Variants in CDH18 observed in about 807,000 individuals in gnomAD.
The protein encoded by CDH18 is cadherin 18.
CDH18 carries 31 observed loss-of-function variants against 67.9 expected under a neutral mutation model. That is an observed-to-expected ratio of 0.46 (90% CI 0.34 to 0.62). The LOEUF (loss-of-function observed/expected upper bound fraction) is 0.62, where lower values mean the gene tolerates loss of function less well. CDH18 is among the 20% of genes least tolerant of loss of function. CDH18 has a pLI of 0.01. For synonymous variants in CDH18, 362 were observed against 347.2 expected, an observed-to-expected ratio of 1.04 and a Z score of -0.48; for missense variants, 890 against 975.5, an observed-to-expected ratio of 0.91 and a Z score of 1.17.
chr5:20,114,351 A>G (rs1388699245), intron 2 of CDH18, among the ~76,000 whole-genome samples: 1 of 152,150 alleles, frequency 6.6e-6, no homozygotes, highest in Non-Finnish European at 1.5e-5. Flanking sequence ...AACATAGACT[A>G]AGACAAGTTC....
chr5:19,789,007 G>A lies in CDH18; in HGVS notation c.229-41771C>T, dbSNP rs149732517. ...AGAGCTTGTTTTTGAGGGAAGAGCCGCCTATACATGAAGCATGCATGCCAT... is the reference window on the plus strand; with the variant it reads ...AGAGCTTGTTTTTGAGGGAAGAGCCACCTATACATGAAGCATGCATGCCAT... On this transcript the variant is annotated intron_variant, in intron 3 of 12. Transcript: ENST00000382275. 5.3e-4 allele frequency among the ~76,000 whole-genome samples: 80 copies of A among 152,226 alleles called. No individual in the cohort carries two copies. In the East Asian group the frequency reaches 0.012, roughly 22 times the overall value.
intron 1 of CDH18, among the ~76,000 whole-genome samples, chr5:20,511,721 G>C (rs1755047300): frequency 6.6e-6 from 1 of 152,130 alleles, no homozygotes; most frequent in South Asian, 2.1e-4. Flanking sequence ...TTGAATAGAA[G>C]TGGTGATTGT....
At chr5:19,727,897 T>C (rs930774102) in intron 4 of CDH18, among the ~76,000 whole-genome samples, 1 of 152,202 alleles carries the variant, frequency 6.6e-6, no homozygotes, top group African/African-American at 2.4e-5. Flanking sequence ...AGTTAGTTAA[T>C]GCATTATATT....
chr5:20,378,196 C>T (rs1323301455), intron 1 of CDH18, among the ~76,000 whole-genome samples: 1 of 152,100 alleles, frequency 6.6e-6, no homozygotes, highest in Non-Finnish European at 1.5e-5. Flanking sequence ...TTTTTTGAGA[C>T]AGAGTCTCCC....
At chr5:19,489,502 C>A (rs1579756499) in intron 11 of CDH18, among the ~76,000 whole-genome samples, 1 of 152,022 alleles carries the variant, frequency 6.6e-6, no homozygotes, top group Admixed American at 6.6e-5. Context: ...CCCCCTTGGC[C>A]TCCCATAGTG....
At chr5:20,055,964 T>A (rs1040888353) in intron 2 of CDH18, among the ~76,000 whole-genome samples, 1 of 151,048 alleles carries the variant, frequency 6.6e-6, no homozygotes, top group African/African-American at 2.4e-5. Context: ...ACAGTTTATG[T>A]CTAACTTTAG....
chr5:20,023,131 G>T (rs1460140750), intron 2 of CDH18, among the ~76,000 whole-genome samples: 1 of 151,938 alleles, frequency 6.6e-6, no homozygotes, highest in African/African-American at 2.4e-5. Context: ...TTTCTATTAT[G>T]ATAGCGCCAT....
chr5:20,570,137 A>G (rs1213224147), intron 1 of CDH18, among the ~76,000 whole-genome samples: 2 of 152,196 alleles, frequency 1.3e-5, no homozygotes, highest in Non-Finnish European at 2.9e-5. Flanking sequence ...AATTTATATA[A>G]TATACATTAC....
intron 9 of CDH18, among the ~76,000 whole-genome samples, chr5:19,537,446 TATGTGC>T (rs1163426332): frequency 2.0e-5 from 3 of 152,000 alleles, no homozygotes; most frequent in Non-Finnish European, 4.4e-5. Flanking sequence ...TAAGTGTGTG[TATGTGC>T]ACATACACAT....
rs566114339 is a variant in CDH18, at chr5:20,438,902, A to T, written c.-580+136560T>A. On this transcript the variant is annotated intron_variant, in intron 1 of 14. Coordinates refer to the CDH18 transcript ENST00000507958. ...GTGTAGAAACACTGAAAAATGAGAC[A>T]TACAAAATCATTTGTAAAATGAAAA... 3.0e-4 allele frequency among the ~76,000 whole-genome samples: 45 copies of T among 151,690 alleles called. 1 individual carries two copies. The highest frequency in any genetic ancestry group is 1.1e-3 in the African/African-American group (44 of 41,258).
At position 19,878,591 on chromosome 5, in the gene CDH18, T is replaced by C. The variant is rs80297468; in HGVS notation, c.-256-39349A>G. Among the ~76,000 whole-genome samples, 37 of 152,148 alleles carry C rather than the reference T, an allele frequency of 2.4e-4. No homozygotes were observed. In the East Asian group the frequency reaches 6.6e-3, roughly 27 times the overall value. ...ACAGTGTGGCAGGCACAGTGCTAGATAGTTTCTATCCATTCTCTCATTCTC... is the reference window on the plus strand; with the variant it reads ...ACAGTGTGGCAGGCACAGTGCTAGACAGTTTCTATCCATTCTCTCATTCTC... On this transcript the variant is annotated intron_variant, in intron 2 of 12. Transcript: ENST00000382275.
intron 8 of CDH18, among the ~76,000 whole-genome samples, chr5:19,550,270 A>G (rs1007363875): frequency 2.0e-5 from 3 of 152,016 alleles, no homozygotes; most frequent in African/African-American, 7.2e-5. Context: ...TTTTATTATT[A>G]TTATTATTAT....
At chr5:19,814,000 A>C (rs1401437835) in intron 3 of CDH18, among the ~76,000 whole-genome samples, 1 of 151,930 alleles carries the variant, frequency 6.6e-6, no homozygotes, top group Non-Finnish European at 1.5e-5. Context: ...TATTATCCAG[A>C]AGACGTAACA....
At position 20,528,943 on chromosome 5, in the gene CDH18, T is replaced by C. The variant is rs529303271; in HGVS notation, c.-580+46519A>G. Among the ~76,000 whole-genome samples, 74 of 145,790 alleles carry C rather than the reference T, an allele frequency of 5.1e-4. 1 individual carries two copies. Among genetic ancestry groups the C allele is most frequent in the Admixed American group, 2.0e-3 (29 of 14,194 alleles). On this transcript the variant is annotated intron_variant, in intron 1 of 14. Coordinates refer to the CDH18 transcript ENST00000507958. Reference sequence around the variant, plus strand: ...ACACAAAAACCCTTCAAAACATCAATGAATCCAGGAGCTGGTTTTGTGAAA... The same window carrying C: ...ACACAAAAACCCTTCAAAACATCAACGAATCCAGGAGCTGGTTTTGTGAAA...
intron 1 of CDH18, among the ~76,000 whole-genome samples, chr5:20,368,166 T>G (rs1336583200): frequency 2.0e-5 from 3 of 152,200 alleles, no homozygotes; most frequent in African/African-American, 7.2e-5. Flanking sequence ...ATTATGAGTA[T>G]TATGTATCCA....
intron 2 of CDH18, among the ~76,000 whole-genome samples, chr5:20,237,351 C>T (rs924132226): frequency 1.3e-5 from 2 of 151,806 alleles, no homozygotes; most frequent in African/African-American, 2.4e-5. Context: ...AAAAAGAATA[C>T]TGGGCAACCA....
At chr5:20,276,177 A>G (rs898884976) in intron 1 of CDH18, among the ~76,000 whole-genome samples, 8 of 152,188 alleles carry the variant, frequency 5.3e-5, no homozygotes, top group Non-Finnish European at 7.3e-5. Flanking sequence ...AACATGGGGG[A>G]CAAGTGACCT....
At chr5:19,747,708 A>G (rs1387272311) in intron 3 of CDH18, among the ~76,000 whole-genome samples, 2 of 152,066 alleles carry the variant, frequency 1.3e-5, no homozygotes, top group African/African-American at 4.8e-5. Flanking sequence ...AAATTTTCAC[A>G]AAAGAGGCAC....
At chr5:20,427,269 T>C (rs13163229) in intron 1 of CDH18, among the ~76,000 whole-genome samples, 62,075 of 150,842 alleles carry the variant, frequency 0.41, 14,933 homozygotes, top group Non-Finnish European at 0.52. Flanking sequence ...TTTACTTAGA[T>C]TTTAGAATAA....
Sources: gnomAD v4.1 joint callset for allele counts (sites outside exome capture counted in the v4.1 genomes callset) on GRCh38, gnomAD v4.1.1 for gene constraint, MANE v1.5 for transcripts, NCBI Gene and HGNC (gene_info 2026-07-23, HGNC 2026-07-21) for gene names.